Variants in SGMS1 observed in about 807,000 individuals in gnomAD.
SGMS1 encodes phosphatidylcholine:ceramide cholinephosphotransferase 1.
SGMS1 carries 13 observed loss-of-function variants against 46.2 expected under a neutral mutation model. That is an observed-to-expected ratio of 0.28 (90% CI 0.18 to 0.45). The LOEUF (loss-of-function observed/expected upper bound fraction) is 0.45. Among genes scored for constraint, SGMS1 ranks in the 20% least tolerant of loss-of-function variants. The probability of loss-of-function intolerance (pLI) is 1.00; values close to 1 mark genes in which losing one functional copy is unlikely to be tolerated. For missense variants in SGMS1, 324 were observed against 519.9 expected (o/e 0.62, Z 3.66); for synonymous variants, 203 against 187.8 (o/e 1.08, Z -0.66).
intron 7 of SGMS1, among the ~76,000 whole-genome samples, chr10:50,328,694 A>G (rs533793017): frequency 6.6e-6 from 1 of 152,356 alleles, no homozygotes; most frequent in African/African-American, 2.4e-5. Context: ...GATAGAAGCC[A>G]TCTTTGCTTA....
intron 2 of SGMS1, among the ~76,000 whole-genome samples, chr10:50,533,274 T>A (rs1331672774): frequency 2.6e-5 from 4 of 152,186 alleles, no homozygotes; most frequent in African/African-American, 9.6e-5. Context: ...TATTTTAGGT[T>A]TACTTTTTTT....
intron 6 of SGMS1, among the ~76,000 whole-genome samples, chr10:50,370,391 C>T (rs1419395324): frequency 6.6e-6 from 1 of 151,200 alleles, no homozygotes; most frequent in East Asian, 1.9e-4. Flanking sequence ...ATTCTATAGG[C>T]TTTTTTCTAT....
intron 1 of SGMS1, among the ~76,000 whole-genome samples, chr10:50,613,492 C>A (rs1338438246): frequency 1.3e-5 from 2 of 152,224 alleles, no homozygotes; most frequent in Non-Finnish European, 2.9e-5. Context: ...AATGACCAGA[C>A]TGGAGAGTGT....
intron 9 of SGMS1, among the ~76,000 whole-genome samples, chr10:50,310,533 A>C (rs889556328): frequency 6.6e-6 from 1 of 152,194 alleles, no homozygotes; most frequent in African/African-American, 2.4e-5. Context: ...TATAAATTTA[A>C]AAAACCACAA....
chr10:50,458,339 CTTTT>C (rs750349777), intron 5 of SGMS1, among the ~76,000 whole-genome samples: 369 of 97,092 alleles, frequency 3.8e-3, no homozygotes, highest in African/African-American at 0.013. Context: ...TTCTTTTTCT[CTTTT>C]TTTTTTTTTT....
intron 6 of SGMS1, among the ~76,000 whole-genome samples, chr10:50,422,063 G>A (rs1486459100): frequency 1.3e-5 from 2 of 152,076 alleles, no homozygotes; most frequent in Non-Finnish European, 2.9e-5. Context: ...CAAAAGCCCT[G>A]GGGAATCTCT....
intron 6 of SGMS1, among the ~76,000 whole-genome samples, chr10:50,399,395 T>C (rs1848896969): frequency 6.6e-6 from 1 of 151,986 alleles, no homozygotes; most frequent in African/African-American, 2.4e-5. Flanking sequence ...ATAGAAAAAA[T>C]ATGACAACAA....
chr10:50,563,920 C>G (rs1838265415), intron 2 of SGMS1, among the ~76,000 whole-genome samples: 1 of 152,142 alleles, frequency 6.6e-6, no homozygotes, highest in Non-Finnish European at 1.5e-5. Flanking sequence ...CAGGAGCAGC[C>G]TGGATGATGG....
At chr10:50,464,170 G>A (rs1014379281) in intron 4 of SGMS1, among the ~76,000 whole-genome samples, 1 of 152,130 alleles carries the variant, frequency 6.6e-6, no homozygotes, top group Admixed American at 6.5e-5. Context: ...TTTATATTAT[G>A]TGTTTTTTAC....
chr10:50,515,686 C>T (rs1189206439), intron 3 of SGMS1, among the ~76,000 whole-genome samples: 1 of 152,182 alleles, frequency 6.6e-6, no homozygotes, highest in South Asian at 2.1e-4. Context: ...CATCACCTCC[C>T]CAGCTCCCCA....
intron 6 of SGMS1, among the ~76,000 whole-genome samples, chr10:50,404,671 T>C (rs1848988847): frequency 1.3e-5 from 2 of 152,182 alleles, no homozygotes; most frequent in Admixed American, 1.3e-4. Context: ...TGAAATGTAT[T>C]TTCCCACTGA....
At chr10:50,390,219 T>C (rs1031201729) in intron 6 of SGMS1, among the ~76,000 whole-genome samples, 8 of 152,220 alleles carry the variant, frequency 5.3e-5, no homozygotes, top group African/African-American at 1.7e-4. Flanking sequence ...ATCAAATGCA[T>C]AAATCATGTT....
intron 7 of SGMS1, among the ~76,000 whole-genome samples, chr10:50,332,426 C>T (rs912504102): frequency 6.6e-6 from 1 of 151,930 alleles, no homozygotes; most frequent in Non-Finnish European, 1.5e-5. Flanking sequence ...AATTTCTTTA[C>T]AGCCCTCCTG....
At chr10:50,624,963 G>A, upstream of SGMS1, 3 of 1,036,698 alleles carry the variant, frequency 2.9e-6, no homozygotes, top group East Asian at 1.1e-4. Context: ...CTTCCGCCCG[G>A]CCATCGGGCC....
intron 2 of SGMS1, among the ~76,000 whole-genome samples, chr10:50,586,145 A>G (rs1201055088): frequency 2.0e-5 from 3 of 152,230 alleles, no homozygotes; most frequent in Admixed American, 1.3e-4. Flanking sequence ...GAATTTTTCC[A>G]TAAAAACACC....
At chr10:50,511,443 T>C (rs1392556615) in intron 3 of SGMS1, among the ~76,000 whole-genome samples, 2 of 152,152 alleles carry the variant, frequency 1.3e-5, no homozygotes, top group Non-Finnish European at 2.9e-5. Context: ...GCCAGAGCCA[T>C]TGAGTATGAA....
intron 3 of SGMS1, among the ~76,000 whole-genome samples, chr10:50,515,877 CA>C (rs1837797996): frequency 1.3e-5 from 2 of 152,136 alleles, no homozygotes; most frequent in Admixed American, 1.3e-4. Flanking sequence ...TTTTATTTTT[CA>C]AATGAAAGTA....
Position 50,343,788 on chromosome 10 carries a change from A to G in SGMS1, c.327T>C (p.Asn109=). Residue 109 remains asparagine (N), a synonymous_variant, in exon 7 of 11, where the codon AAT becomes AAC. Coordinates refer to ENST00000361781, the MANE Select transcript of SGMS1 (RefSeq NM_147156.4). ...SIKIKPNGMP[N]GYRKEMIKIP... is the part of the protein sequence containing the mutation. ...TCTTTATCATCTCTTTCCTATACCC[A>G]TTTGGCATCCCGTTGGGTTTAATCT... 6.2e-7 allele frequency: 1 copy of G among 1,614,052 alleles called. No homozygotes were observed. Among genetic ancestry groups the G allele is most frequent in the Middle Eastern group, 1.6e-4 (1 of 6,062 alleles).
At chr10:50,330,790 A>G (rs1847612483) in intron 7 of SGMS1, among the ~76,000 whole-genome samples, 1 of 152,224 alleles carries the variant, frequency 6.6e-6, no homozygotes, top group Non-Finnish European at 1.5e-5. Flanking sequence ...AAATCTCTGG[A>G]GCAGTTATGG....
Sources: allele counts gnomAD v4.1 joint callset (sites outside exome capture counted in the v4.1 genomes callset), GRCh38; gene constraint gnomAD v4.1.1; transcripts MANE v1.5; gene names NCBI Gene and HGNC (gene_info 2026-07-23, HGNC 2026-07-21).